Variants in LITAF observed in about 807,000 individuals in gnomAD.
LITAF encodes lipopolysaccharide induced TNF factor.
Under a neutral mutation model 14.5 loss-of-function variants are expected in LITAF, and 9 were observed. That is an observed-to-expected ratio of 0.62 (90% confidence interval 0.37 to 1.08). LITAF has a LOEUF of 1.08. Ranked by LOEUF, LITAF falls within the 50% of genes least tolerant of loss-of-function variation. The probability of loss-of-function intolerance (pLI) is 0.01; values close to 1 mark genes in which losing one functional copy is unlikely to be tolerated. For synonymous variants in LITAF, 98 were observed against 88.2 expected, an observed-to-expected ratio of 1.11 and a Z score of -0.62; for missense variants, 206 against 213.4, an observed-to-expected ratio of 0.97 and a Z score of 0.22.
In LITAF at chr16:11,557,061, G is replaced by A. The variant is rs575407372; in HGVS notation, c.-5-326C>T. Among the ~76,000 whole-genome samples the A allele has an allele frequency of 2.5e-4, 19 of 74,758 alleles. No individual in the cohort carries two copies. In the South Asian group the frequency reaches 4.0e-3, roughly 16 times the overall value. The allele number at this position is 74,758 out of a possible 152,430, so 49.0% of individuals were successfully genotyped here. On this transcript the variant is annotated intron_variant, in intron 1 of 3. Coordinates refer to ENST00000622633, the MANE Select transcript of LITAF (RefSeq NM_001136472.2). ...CTTCCATATCTGGTGTTTCTTCTTCGTTGTTTTTTTTTGTTTGTTTTTTTG... is the reference window on the plus strand; with the variant it reads ...CTTCCATATCTGGTGTTTCTTCTTCATTGTTTTTTTTTGTTTGTTTTTTTG...
chr16:11,617,056 C>T (rs901451069), intron 3 of LITAF, among the ~76,000 whole-genome samples: 8 of 151,470 alleles, frequency 5.3e-5, no homozygotes, highest in Middle Eastern at 3.2e-3. Context: ...CCCATCTCTA[C>T]TAAAAATACA....
rs559258218 is a variant in LITAF at position 11,580,201 on chromosome 16, A to C, written c.-6+6685T>G. 2.0e-5 allele frequency among the ~76,000 whole-genome samples: 3 copies of C among 152,210 alleles called. No homozygotes were observed. In the South Asian group the frequency reaches 6.2e-4, roughly 32 times the overall value. ...CTTCCGGTCCCAAGCATTTCAGAGAAGAGATACTTGATCTGTGTAAAGGAA... is the reference window on the plus strand; with the variant it reads ...CTTCCGGTCCCAAGCATTTCAGAGACGAGATACTTGATCTGTGTAAAGGAA... On this transcript the variant is annotated intron_variant, in intron 1 of 3. Coordinates refer to ENST00000622633, the MANE Select transcript of LITAF (RefSeq NM_001136472.2).
chr16:11,597,608 C>G (rs944306174), intron 1 of LITAF, among the ~76,000 whole-genome samples: 2 of 152,166 alleles, frequency 1.3e-5, no homozygotes, highest in African/African-American at 4.8e-5. Flanking sequence ...TGCTCAGCCC[C>G]CATGCTGTGG....
At chr16:11,587,255 C>A, upstream of LITAF, 1 of 406,676 alleles carries the variant, frequency 2.5e-6, no homozygotes. Context: ...CTGGCCCTCC[C>A]TCCTGATTTG....
In LITAF at chr16:11,626,332, C is replaced by A. The variant is rs539816467; in HGVS notation, c.85+7201G>T. Among the ~76,000 whole-genome samples, 61 of 151,984 alleles carry A rather than the reference C, an allele frequency of 4.0e-4. 3 individuals are homozygous for A. The South Asian group carries it at 8.9e-3, about 22-fold the overall frequency. ...CAGCTGGGACTACAGGCTCATACCACCATGCTCTGCTAATTTTTGTAATTT... is the reference window on the plus strand; with the variant it reads ...CAGCTGGGACTACAGGCTCATACCAACATGCTCTGCTAATTTTTGTAATTT... On this transcript the variant is annotated intron_variant, in intron 3 of 3. Coordinates refer to the LITAF transcript ENST00000574848.
rs1567269750 is a variant in LITAF, at chr16:11,634,198, G to T, written c.-20-561C>A. On this transcript the variant is annotated intron_variant, in intron 2 of 3. Transcript: ENST00000574848. The surrounding 1 kb of genome is among the most constrained non-coding windows in gnomAD (Gnocchi z 4.1). Reference sequence around the variant, plus strand: ...AATTATAACAGAAAATTGTGACAGTGAAGGAGACCTGATCTAACCAACCCC... The same window carrying T: ...AATTATAACAGAAAATTGTGACAGTTAAGGAGACCTGATCTAACCAACCCC... Among the ~76,000 whole-genome samples the T allele has an allele frequency of 6.6e-6, 1 of 152,178 alleles. No individual in the cohort carries two copies. Among genetic ancestry groups the T allele is most frequent in the African/African-American group, 2.4e-5 (1 of 41,436 alleles).
At chr16:11,551,237 C>T (rs1317817942) in intron 3 of LITAF, among the ~76,000 whole-genome samples, 1 of 152,162 alleles carries the variant, frequency 6.6e-6, no homozygotes, top group Non-Finnish European at 1.5e-5. Flanking sequence ...TTCCAGAGCT[C>T]AAATAAGGGC....
chr16:11,587,966 A>T (rs1567255431), upstream of LITAF, among the ~76,000 whole-genome samples: 1 of 152,098 alleles, frequency 6.6e-6, no homozygotes, highest in Non-Finnish European at 1.5e-5. Flanking sequence ...CCCAAATCCC[A>T]TGCCTTTACC....
upstream of LITAF, among the ~76,000 whole-genome samples, chr16:11,600,205 T>C (rs188601356): frequency 1.0e-3 from 153 of 152,338 alleles, no homozygotes; most frequent in Non-Finnish European, 7.4e-5. This position sits in a 1 kb window ranked among gnomAD's most constrained non-coding sequence, Gnocchi z 4.1. Flanking sequence ...GATCTCTCTG[T>C]GTTGCCCAGG....
intron 3 of LITAF, among the ~76,000 whole-genome samples, chr16:11,625,864 C>G (rs1411849960): frequency 6.6e-6 from 1 of 152,144 alleles, no homozygotes; most frequent in African/African-American, 2.4e-5. Context: ...CCCCTAAGCT[C>G]TTGGAGCCTC....
At chr16:11,575,848 A>G (rs959616648) in intron 1 of LITAF, among the ~76,000 whole-genome samples, 2 of 152,114 alleles carry the variant, frequency 1.3e-5, no homozygotes, top group African/African-American at 4.8e-5. Context: ...CGAAAAAAGT[A>G]TCTTAACCTT....
At chr16:11,589,650 T>C (rs1445560952), upstream of LITAF, among the ~76,000 whole-genome samples, 1 of 129,286 alleles carries the variant, frequency 7.7e-6, no homozygotes, top group Non-Finnish European at 1.6e-5. Context: ...CGAGACAGGG[T>C]CTCTGTCACC....
chr16:11,588,004 A>C (rs965711335), upstream of LITAF, among the ~76,000 whole-genome samples: 1 of 152,228 alleles, frequency 6.6e-6, no homozygotes, highest in East Asian at 1.9e-4. Context: ...TGAGGCCCAG[A>C]TAGGGAGTGT....
intron 1 of LITAF, among the ~76,000 whole-genome samples, chr16:11,577,761 G>T (rs891722307): frequency 6.6e-5 from 10 of 152,132 alleles, no homozygotes; most frequent in Non-Finnish European, 8.8e-5. Context: ...TGTCACCCAG[G>T]CTGGAGTGCA....
Position 11,548,154 on chromosome 16 carries a change from C to T in LITAF, c.*1483G>A. On this transcript the variant is annotated 3_prime_UTR_variant, in exon 4 of 4. Coordinates refer to ENST00000622633, the MANE Select transcript of LITAF (RefSeq NM_001136472.2). ...ACCACTATCGTTTTCAACCAATATACAGATGTTCGCTCAAGGTCTAGGTTT... is the reference window on the plus strand; with the variant it reads ...ACCACTATCGTTTTCAACCAATATATAGATGTTCGCTCAAGGTCTAGGTTT... The T allele has an allele frequency of 2.2e-6, 1 of 454,086 alleles. No individual in the cohort carries two copies. Among genetic ancestry groups the T allele is most frequent in the South Asian group, 1.6e-5 (1 of 64,480 alleles). 28.1% of individuals were successfully genotyped at this position (454,086 alleles called of 1,614,324 possible). A position where few individuals can be genotyped will look rare whatever the true frequency, so the allele number is the denominator to read the frequency against.
At chr16:11,626,183 CA>C (rs369346931) in intron 3 of LITAF, among the ~76,000 whole-genome samples, 54 of 145,266 alleles carry the variant, frequency 3.7e-4, no homozygotes, top group South Asian at 1.5e-3. Context: ...ACAAAACGAA[CA>C]AAAAAAAAAA....
rs747714890 is a variant in LITAF, at chr16:11,578,284, G to A, written c.-6+8602C>T. On this transcript the variant is annotated intron_variant, in intron 1 of 3. Coordinates refer to ENST00000622633, the MANE Select transcript of LITAF (RefSeq NM_001136472.2). ...CTTTCAAAGAACAGAGTCGCCAGGC[G>A]TGGTGGCTCATGCCTGTAATCCCGG... Among the ~76,000 whole-genome samples, 9 of 152,216 alleles carry A rather than the reference G, an allele frequency of 5.9e-5. No individual in the cohort carries two copies. The East Asian group carries it at 9.6e-4, about 16-fold the overall frequency.
Position 11,553,648 on chromosome 16 carries a change from A to C in LITAF, c.262T>G (p.Leu88Val). Residue 88 changes from leucine to valine, a missense_variant, in exon 3 of 4, where the codon TTG becomes GTG. By Grantham distance (32) the Leu-to-Val change is conservative. Coordinates refer to ENST00000622633, the MANE Select transcript of LITAF (RefSeq NM_001136472.2). The surrounding 1 kb of genome is among the most constrained non-coding windows in gnomAD (Gnocchi z 7.7). ...CAACACATTTGGATAGGGCGGTCCAAAAAGGTGATGGGGTGCTGCACGTAG... is the reference window on the plus strand; with the variant it reads ...CAACACATTTGGATAGGGCGGTCCACAAAGGTGATGGGGTGCTGCACGTAG... ...TVYVQHPITF[L>V]DRPIQMCCPS... 1 of 1,614,146 alleles carries C rather than the reference A, an allele frequency of 6.2e-7. No individual in the cohort carries two copies. The highest frequency in any genetic ancestry group is 8.5e-7 in the Non-Finnish European group (1 of 1,180,028).
chr16:11,575,631 C>T (rs1040315101), intron 1 of LITAF: 3 of 152,232 alleles, frequency 2.0e-5, no homozygotes, highest in Non-Finnish European at 2.9e-5. Flanking sequence ...GCTTCAAAAC[C>T]GAGAATACCA....
Sources: allele counts gnomAD v4.1 joint callset (sites outside exome capture counted in the v4.1 genomes callset), GRCh38; gene constraint gnomAD v4.1.1; non-coding constraint Gnocchi (gnomAD v3.1); transcripts MANE v1.5; gene names NCBI Gene and HGNC (gene_info 2026-07-23, HGNC 2026-07-21).